Variants in SETD2 observed in about 807,000 individuals in gnomAD.
SETD2 encodes the protein SET domain containing 2, histone lysine methyltransferase, also known as histone-lysine N-methyltransferase SETD2.
A neutral mutation model predicts 242.1 loss-of-function variants in SETD2; 31 were observed. The observed-to-expected ratio is 0.13, with a 90% CI of 0.10 to 0.17. The LOEUF (loss-of-function observed/expected upper bound fraction) is 0.17. Among genes scored for constraint, SETD2 ranks in the 10% least tolerant of loss-of-function variants. SETD2 has a pLI of 1.00. For synonymous variants in SETD2, 1,006 were observed against 1,066.5 expected (o/e 0.94, Z 1.11); for missense variants, 2,481 against 3,046.3 (o/e 0.81, Z 4.37).
rs1401928631 is a variant in SETD2 at position 47,124,080 on chromosome 3, G to C, written c.556C>G (p.Pro186Ala). The C allele has an allele frequency of 1.3e-6, 2 of 1,551,742 alleles. No individual in the cohort carries two copies. Among genetic ancestry groups the C allele is most frequent in the African/African-American group, 2.7e-5 (2 of 73,028 alleles). The part of the protein sequence containing the change: ...VIAESTTVDS[P>A]PSSPPPPPPP... ...GGCGGTGGAGGCGGAGATGAGGGCGGTGAGTCTACAGTTGTTGATTCTGCT... is the reference window on the plus strand; with the variant it reads ...GGCGGTGGAGGCGGAGATGAGGGCGCTGAGTCTACAGTTGTTGATTCTGCT... The change falls in exon 3 of 21, where the codon CCG becomes GCG. Residue 186 changes from proline to alanine, a missense_variant. Physicochemically the swap from Pro to Ala is conservative, Grantham distance 27. Around this residue, in one of 17 missense-constraint regions of SETD2, gnomAD observed 334 missense variants for 374.5 expected, o/e 0.89. Transcript: ENST00000409792.
intron 12 of SETD2, among the ~76,000 whole-genome samples, chr3:47,068,744 C>G (rs1161253963): frequency 6.6e-6 from 1 of 152,140 alleles, no homozygotes; most frequent in Non-Finnish European, 1.5e-5. Flanking sequence ...ATCTTCCCAC[C>G]CTGGCCTCCC....
intron 18 of SETD2, among the ~76,000 whole-genome samples, chr3:47,021,227 A>G (rs1450406766): frequency 6.6e-6 from 1 of 152,176 alleles, no homozygotes; most frequent in Admixed American, 6.5e-5. Flanking sequence ...GAAAACTTCA[A>G]CACATCCCCA....
intron 12 of SETD2, among the ~76,000 whole-genome samples, chr3:47,076,587 G>T (rs1288444827): frequency 2.0e-5 from 3 of 152,186 alleles, no homozygotes; most frequent in Non-Finnish European, 2.9e-5. Flanking sequence ...CCATGCCTTT[G>T]AAGAAAGCAA....
intron 13 of SETD2, among the ~76,000 whole-genome samples, chr3:47,065,121 T>C (rs1167189360): frequency 2.0e-5 from 3 of 152,196 alleles, no homozygotes; most frequent in Non-Finnish European, 2.9e-5. Flanking sequence ...CCCAGAAAGC[T>C]AGCTTCTGAT....
chr3:47,075,122 A>AG (rs1318656223), intron 12 of SETD2, among the ~76,000 whole-genome samples: 1 of 150,354 alleles, frequency 6.7e-6, no homozygotes, highest in East Asian at 2.0e-4. Context: ...CGACAGAGCG[A>AG]GACTCCGTCT....
At chr3:47,036,081 A>T (rs1473901957) in intron 18 of SETD2, among the ~76,000 whole-genome samples, 2 of 152,250 alleles carry the variant, frequency 1.3e-5, no homozygotes, top group Non-Finnish European at 2.9e-5. Flanking sequence ...TGAATAAAAT[A>T]TAAACAAGAA....
chr3:47,042,531 A>G (rs774793659), intron 17 of SETD2, 30 bp downstream of exon 17: 10 of 1,612,450 alleles, frequency 6.2e-6, no homozygotes, highest in Non-Finnish European at 7.6e-6. Context: ...GTAAAAGCAG[A>G]CATGGGAACG....
At chr3:47,094,788 C>T (rs375636823) in intron 9 of SETD2, among the ~76,000 whole-genome samples, 1 of 152,122 alleles carries the variant, frequency 6.6e-6, no homozygotes, top group East Asian at 1.9e-4. Flanking sequence ...ATCATTGTTC[C>T]GGAATAACTT....
chr3:47,103,602 G>A (rs1254753114), intron 6 of SETD2, among the ~76,000 whole-genome samples, 179 bp from the exon 7 acceptor site: 1 of 152,096 alleles, frequency 6.6e-6, no homozygotes, highest in Non-Finnish European at 1.5e-5. Context: ...TTTTTCCACT[G>A]TAAACAATGG....
chr3:47,111,478 G>A (rs572148734), intron 5 of SETD2, among the ~76,000 whole-genome samples: 2 of 152,310 alleles, frequency 1.3e-5, no homozygotes, highest in African/African-American at 4.8e-5. Flanking sequence ...GCTGAGGCAG[G>A]AGGATAAATT....
rs2106677298 is a variant in SETD2, at chr3:47,122,389, T to C, written c.2247A>G (p.Thr749=). ...CTTGGTGTGGTGACACCAGAGGTTC[T>C]GTTTCTCTAAATGGGCTTTCTGACT... ...HKKSESPFRE[T]EPLVSPHQDK... The change falls in exon 3 of 21, where the codon ACA becomes ACG. Residue 749 remains threonine (T), a synonymous_variant. Coordinates refer to ENST00000409792, the MANE Select transcript of SETD2 (RefSeq NM_014159.7). 1 of 1,614,128 alleles carries C rather than the reference T, an allele frequency of 6.2e-7. No homozygotes were observed. Among genetic ancestry groups the C allele is most frequent in the Non-Finnish European group, 8.5e-7 (1 of 1,179,978 alleles).
intron 14 of SETD2, among the ~76,000 whole-genome samples, chr3:47,058,464 A>AAAAAAAAG (rs57743838): frequency 1.2e-5 from 1 of 83,164 alleles, no homozygotes; most frequent in African/African-American, 5.7e-5. Flanking sequence ...AAAAAAAAAA[A>AAAAAAAAG]CACAAAGAGG....
intron 12 of SETD2, among the ~76,000 whole-genome samples, chr3:47,073,393 A>G (rs2040913276): frequency 6.6e-6 from 1 of 152,214 alleles, no homozygotes; most frequent in Non-Finnish European, 1.5e-5. Flanking sequence ...TAAGAGGGCC[A>G]AAGGGAAAAC....
At chr3:47,072,716 C>A (rs1224219876) in intron 12 of SETD2, among the ~76,000 whole-genome samples, 7 of 151,970 alleles carry the variant, frequency 4.6e-5, no homozygotes, top group Non-Finnish European at 1.0e-4. Flanking sequence ...AAGGACGAGG[C>A]AGGCAGATCA....
At chr3:47,164,549 A>C (rs1267310015), upstream of SETD2, 3 of 152,020 alleles carry the variant, frequency 2.0e-5, no homozygotes, top group East Asian at 3.9e-4. The surrounding 1 kb of genome is among the most constrained non-coding windows in gnomAD (Gnocchi z 5.4). Flanking sequence ...GGAGCCCCGG[A>C]GTCCGCGGCA....
At chr3:47,037,841 T>A in intron 17 of SETD2, 64 bp from the exon 18 acceptor site, 1 of 1,088,808 alleles carries the variant, frequency 9.2e-7, no homozygotes, top group Non-Finnish European at 1.4e-6. Flanking sequence ...GACATAAACA[T>A]CACTGCTCAT....
chr3:47,103,524 A>C (rs1196746375), intron 6 of SETD2, 101 bp from the exon 7 acceptor site: 1 of 897,576 alleles, frequency 1.1e-6, no homozygotes, highest in African/African-American at 1.7e-5. Flanking sequence ...AATTAAAAAA[A>C]AGATTGTGCT....
rs993619218 is a variant in SETD2 at position 47,154,310 on chromosome 3, G to A, written c.71+9544C>T. Among the ~76,000 whole-genome samples, 4 of 152,246 alleles carry A rather than the reference G, an allele frequency of 2.6e-5. 1 individual carries two copies. Among genetic ancestry groups the A allele is most frequent in the African/African-American group, 9.6e-5 (4 of 41,540 alleles). ...TGTAGTCCCAGCTACTTGGGAGGCT[G>A]AGGCAGGAGAATCGCTTGAATCCAG... On this transcript the variant is annotated intron_variant, in intron 1 of 20. Transcript: ENST00000409792.
chr3:47,105,522 C>T (rs1236509029), intron 6 of SETD2: 1 of 229,672 alleles, frequency 4.4e-6, no homozygotes, highest in Non-Finnish European at 9.0e-6. Flanking sequence ...CTCTCTCTTC[C>T]ATGTTTTTAT....
Sources: gnomAD v4.1 joint callset for allele counts (sites outside exome capture counted in the v4.1 genomes callset) on GRCh38, gnomAD v4.1.1 for gene constraint, gnomAD v4.1.1 regional missense constraint, Gnocchi (gnomAD v3.1) non-coding constraint, MANE v1.5 for transcripts, NCBI Gene and HGNC (gene_info 2026-07-23, HGNC 2026-07-21) for gene names.